Variants in DYSF observed in about 807,000 individuals in gnomAD.
DYSF encodes the protein dystrophy-associated fer-1-like 1.
A neutral mutation model predicts 274.9 loss-of-function variants in DYSF; 212 were observed. That is an observed-to-expected ratio of 0.77 (90% CI 0.69 to 0.86). The LOEUF is 0.86. Ranked by LOEUF, DYSF falls within the 40% of genes least tolerant of loss-of-function variation. DYSF has a pLI of 0.00. For missense variants in DYSF, 2,666 were observed against 2,783.2 expected (o/e 0.96, Z 0.95); for synonymous variants, 1,091 against 1,078.7 (o/e 1.01, Z -0.22).
intron 38 of DYSF, among the ~76,000 whole-genome samples, chr2:71,612,308 C>A (rs1264931522): frequency 6.6e-6 from 1 of 152,130 alleles, no homozygotes; most frequent in Non-Finnish European, 1.5e-5. Context: ...CTTGGGGGGA[C>A]TGTCTGTAAG....
chr2:71,595,544 C>G (rs113325555), intron 32 of DYSF, among the ~76,000 whole-genome samples: 2 of 152,164 alleles, frequency 1.3e-5, no homozygotes, highest in Non-Finnish European at 1.5e-5. Context: ...GTATTGTGAA[C>G]GCAGAAGGTC....
intron 3 of DYSF, among the ~76,000 whole-genome samples, chr2:71,495,248 A>G (rs1279509527): frequency 1.3e-5 from 2 of 151,206 alleles, no homozygotes; most frequent in African/African-American, 2.5e-5. Context: ...CTCACTACAT[A>G]TTTGTTGAAT....
intron 17 of DYSF, among the ~76,000 whole-genome samples, chr2:71,544,164 G>A (rs547858039): frequency 6.6e-6 from 1 of 152,144 alleles, no homozygotes; most frequent in Non-Finnish European, 1.5e-5. Flanking sequence ...TGAATCTTAT[G>A]GATGTGGTTT....
chr2:71,522,321 G>A (rs1437887922), intron 12 of DYSF, among the ~76,000 whole-genome samples: 2 of 151,586 alleles, frequency 1.3e-5, no homozygotes, highest in African/African-American at 4.9e-5. Context: ...TCTTCAGTAG[G>A]AATCCCACCA....
chr2:71,539,338 G>C, intron 17 of DYSF, 99 bp downstream of exon 17: 1 of 1,119,174 alleles, frequency 8.9e-7, no homozygotes, highest in East Asian at 2.4e-5. Context: ...TGCAGAAAAG[G>C]GGAGATTATA....
chr2:71,608,791 G>A (rs1242682785), intron 36 of DYSF, among the ~76,000 whole-genome samples: 3 of 152,194 alleles, frequency 2.0e-5, no homozygotes, highest in East Asian at 3.9e-4. Flanking sequence ...ACTGCCCAGC[G>A]TTTGGGGGCC....
rs70959240 is a variant in DYSF at position 71,519,092 on chromosome 2, C to CAAAAAA, written c.1003-1061_1003-1056dup. ...TGGATGACAGAGCGACACTCCATCT[C>CAAAAAA]AAAAAAAAAAAAAAAAAAAAAAAAA... On this transcript the variant is annotated intron_variant, in intron 10 of 55. Transcript: ENST00000410020. Among the ~76,000 whole-genome samples the CAAAAAA allele has an allele frequency of 6.4e-4, 38 of 59,722 alleles. 3 individuals carry two copies. Among genetic ancestry groups the CAAAAAA allele is most frequent in the Non-Finnish European group, 7.1e-4 (25 of 35,024 alleles). 39.2% of individuals were successfully genotyped at this position (59,722 alleles called of 152,430 possible). A position where few individuals can be genotyped will look rare whatever the true frequency, so the allele number is the denominator to read the frequency against.
At chr2:71,456,108 C>G (rs2081051536) in intron 1 of DYSF, among the ~76,000 whole-genome samples, 1 of 152,112 alleles carries the variant, frequency 6.6e-6, no homozygotes, top group Non-Finnish European at 1.5e-5. Context: ...CTGGCTGAAT[C>G]CTCTCCCCAC....
rs13400972 is a variant in DYSF at position 71,638,202 on chromosome 2, T to C, written c.4528-5763T>C. The stretch of plus-strand genomic sequence containing the variant: ...ATTCTTTTGTTTGATGTTATATGGT[T>C]GTATTTGATCATTTGTTCTTTTTAA... On this transcript the variant is annotated intron_variant, in intron 41 of 55. Transcript: ENST00000410020. Among the ~76,000 whole-genome samples the C allele has an allele frequency of 4.5e-3, 687 of 152,294 alleles. 3 individuals are homozygous for C. Among genetic ancestry groups the C allele is most frequent in the African/African-American group, 0.015 (633 of 41,550 alleles).
intron 29 of DYSF, among the ~76,000 whole-genome samples, chr2:71,572,365 C>T (rs1553558980): frequency 6.6e-6 from 1 of 152,118 alleles, no homozygotes; most frequent in South Asian, 2.1e-4. Flanking sequence ...AGATCACACC[C>T]AGCACACCCA....
Position 71,598,644 on chromosome 2 carries a change from C to T in DYSF, c.3655C>T (p.Gln1219Ter), listed in dbSNP as rs1380642629. The T allele has an allele frequency of 6.2e-7, 1 of 1,614,200 alleles. No individual in the cohort carries two copies. The highest frequency in any genetic ancestry group is 2.2e-5 in the East Asian group (1 of 44,884). Residue 1219 changes from glutamine to a stop codon, truncating the protein, a stop_gained, in exon 33 of 56, where the codon CAG becomes TAG. Transcript: ENST00000410020. LOFTEE classifies it high-confidence loss of function. The stretch of plus-strand genomic sequence containing the variant: ...GAACACCCTTAACCCCACCTGGGAC[C>T]AGACGCTCATCTTCTACGAGATCGA... ...VKNTLNPTWD[Q>*]TLIFYEIEIF...
chr2:71,493,871 A>AAG (rs2084119588), intron 3 of DYSF, among the ~76,000 whole-genome samples: 2 of 133,576 alleles, frequency 1.5e-5, no homozygotes, highest in South Asian at 4.7e-4. Context: ...AAAAAAAAAA[A>AAG]AAAGAAAGAA....
At chr2:71,602,701 T>C (rs2093574468) in intron 35 of DYSF, 75 bp from the exon 36 acceptor site, 9 of 1,541,876 alleles carry the variant, frequency 5.8e-6, no homozygotes, top group Non-Finnish European at 8.0e-6. Flanking sequence ...GCCTTGATAC[T>C]AATAGAGAAC....
chr2:71,679,156 TTG>T lies in DYSF; in HGVS notation c.5988_5989del (p.Ser1997ProfsTer3). Reference sequence around the variant, plus strand: ...GATGATGCTTTCCACCCAGAATGGTTTGTGTCCCTTTTTGAGCAGAAAACAGT... The same window carrying T: ...GATGATGCTTTCCACCCAGAATGGTTTGTCCCTTTTTGAGCAGAAAACAGT... On this transcript the variant is annotated frameshift_variant, in exon 53 of 56. Transcript: ENST00000410020. LOFTEE classifies it high-confidence loss of function. 2.5e-6 allele frequency: 4 copies of T among 1,613,960 alleles called. No individual in the cohort carries two copies. Among genetic ancestry groups the T allele is most frequent in the Non-Finnish European group, 3.4e-6 (4 of 1,179,948 alleles).
At position 71,589,616 on chromosome 2, in the gene DYSF, TG is replaced by T. The variant is rs2093189899; in HGVS notation, c.3427del (p.Glu1143LysfsTer9). ...ALGGVMDDKS[E>X]DSMSVSTLSF... ...AGGGCGGCGTGATGGATGACAAGAG[TG>T]AAGATTCCATGTCCGTCTCCACCTT... is the stretch of plus-strand genomic sequence containing the variant. On this transcript the variant is annotated frameshift_variant, in exon 31 of 56. Coordinates refer to ENST00000410020, the MANE Select transcript of DYSF (RefSeq NM_001130987.2). LOFTEE classifies it high-confidence loss of function. The T allele has an allele frequency of 2.5e-6, 4 of 1,613,272 alleles. No homozygotes were observed. In the East Asian group the frequency reaches 8.9e-5, roughly 36 times the overall value.
intron 3 of DYSF, among the ~76,000 whole-genome samples, chr2:71,482,341 C>A (rs1014579423): frequency 2.1e-4 from 32 of 152,186 alleles, no homozygotes; most frequent in Non-Finnish European, 4.4e-4. Flanking sequence ...GGGCAGAGGC[C>A]CCCTGCAGGA....
At chr2:71,653,716 A>T (rs959214197) in intron 42 of DYSF, among the ~76,000 whole-genome samples, 3 of 151,598 alleles carry the variant, frequency 2.0e-5, no homozygotes, top group African/African-American at 4.8e-5. Flanking sequence ...TGTTAAATGA[A>T]GAGTTAATGG....
At chr2:71,537,535 C>T (rs758182948) in intron 16 of DYSF, among the ~76,000 whole-genome samples, 4 of 152,138 alleles carry the variant, frequency 2.6e-5, no homozygotes, top group Non-Finnish European at 2.9e-5. Context: ...CGTGAGCCAC[C>T]GCACCCTGCT....
At chr2:71,497,620 G>A (rs1017975245) in intron 3 of DYSF, among the ~76,000 whole-genome samples, 1 of 151,870 alleles carries the variant, frequency 6.6e-6, no homozygotes, top group Non-Finnish European at 1.5e-5. Flanking sequence ...ATCTTCATTA[G>A]CAGTGTGAGA....
Sources: allele counts gnomAD v4.1 joint callset (sites outside exome capture counted in the v4.1 genomes callset), GRCh38; gene constraint gnomAD v4.1.1; transcripts MANE v1.5; gene names NCBI Gene and HGNC (gene_info 2026-07-23, HGNC 2026-07-21).